Variants in RGS16 observed in about 807,000 individuals in gnomAD.
RGS16 encodes the protein regulator of G protein signaling 16, also known as hRGS-r.
RGS16 carries 12 observed loss-of-function variants against 18.1 expected under a neutral mutation model. The ratio of observed to expected loss-of-function variants is 0.66; its 90% CI spans 0.42 to 1.07. The LOEUF is 1.07. RGS16 is among the 50% of genes least tolerant of loss of function. The probability of loss-of-function intolerance (pLI) is 0.00; values close to 1 mark genes in which losing one functional copy is unlikely to be tolerated. For missense variants in RGS16, 238 were observed against 249.2 expected, an observed-to-expected ratio of 0.95 and a Z score of 0.30; for synonymous variants, 88 against 102.0, an observed-to-expected ratio of 0.86 and a Z score of 0.83.
chr1:182,599,193 G>T lies in RGS16; in HGVS notation c.*1099C>A, dbSNP rs4433356. ...GCACTCTAAGGGTGCCATGGTCCTG[G>T]GCCACCTCTGCCCACTCCAGTGTTC... is the stretch of plus-strand genomic sequence containing the variant. On this transcript the variant is annotated 3_prime_UTR_variant, in exon 5 of 5. Transcript: ENST00000367558. The T allele has an allele frequency of 0.02, 3,116 of 152,306 alleles. 110 individuals are homozygous for T. Among genetic ancestry groups the T allele is most frequent in the African/African-American group, 0.07 (2,919 of 41,492 alleles). The allele number at this position is 152,306 out of a possible 1,614,324, so 9.4% of individuals were successfully genotyped here.
Position 182,599,941 on chromosome 1 carries a change from CAT to C in RGS16, c.*349_*350del, listed in dbSNP as rs528250097. Reference sequence around the variant, plus strand: ...TCATTTTCATGGTTCCCTTTATCCACATGTTTCCTAAACCACACTAGAACACT... The same window carrying C: ...TCATTTTCATGGTTCCCTTTATCCACGTTTCCTAAACCACACTAGAACACT... On this transcript the variant is annotated 3_prime_UTR_variant, in exon 5 of 5. Coordinates refer to ENST00000367558, the MANE Select transcript of RGS16 (RefSeq NM_002928.4). 2.7e-4 allele frequency: 73 copies of C among 271,046 alleles called. No individual in the cohort carries two copies. Among genetic ancestry groups the C allele is most frequent in the Middle Eastern group, 2.5e-3 (2 of 790 alleles). 16.8% of individuals were successfully genotyped at this position (271,046 alleles called of 1,614,324 possible). A position where few individuals can be genotyped will look rare whatever the true frequency, so the allele number is the denominator to read the frequency against.
rs1206290081 is a variant in RGS16 at position 182,600,314 on chromosome 1, AG to A, written c.586del (p.Leu196TrpfsTer13). The A allele has an allele frequency of 3.7e-6, 6 of 1,613,792 alleles. No individual in the cohort carries two copies. Among genetic ancestry groups the A allele is most frequent in the Non-Finnish European group, 5.1e-6 (6 of 1,180,004 alleles). On this transcript the variant is annotated frameshift_variant, in exon 5 of 5. Transcript: ENST00000367558. LOFTEE classifies it high-confidence loss of function. ...AASATLSSCS[L>X]DEPSHT ...GACTCAGGTGTGTGAGGGCTCGTCC[AG>A]GCTGCAGCTGGACAGAGTGGCAGAG...
intron 3 of RGS16, 84 bp downstream of exon 3, chr1:182,602,336 G>T: frequency 2.4e-6 from 3 of 1,237,708 alleles, no homozygotes; most frequent in South Asian, 1.3e-5. Flanking sequence ...TTCTGCCCAG[G>T]CTCTCAGCAG....
At chr1:182,602,560 A>G in intron 2 of RGS16, 76 bp from the exon 3 acceptor site, 1 of 1,193,756 alleles carries the variant, frequency 8.4e-7, no homozygotes, top group African/African-American at 1.5e-5. Flanking sequence ...TCTAGCCAGA[A>G]CTCTGATGGA....
At position 182,601,216 on chromosome 1, in the gene RGS16, G is replaced by T. The variant is rs1661858173; in HGVS notation, c.388-703C>A. ...AATGGAAAACCTTACGTCTTCCCAG[G>T]CCCTACCTCTGGTACTCCCTGTCTC... On this transcript the variant is annotated intron_variant, in intron 4 of 4. Transcript: ENST00000367558. Among the ~76,000 whole-genome samples the T allele has an allele frequency of 2.0e-5, 3 of 152,112 alleles. No homozygotes were observed. The South Asian group carries it at 6.2e-4, about 32-fold the overall frequency.
chr1:182,603,871 T>G (rs1661908474), intron 1 of RGS16, among the ~76,000 whole-genome samples: 1 of 150,726 alleles, frequency 6.6e-6, no homozygotes, highest in Admixed American at 6.6e-5. Flanking sequence ...TGCCCCTAGC[T>G]CTGGTCTGAG....
Position 182,600,151 on chromosome 1 carries a change from A to C in RGS16, c.*141T>G, listed in dbSNP as rs1571277710. On this transcript the variant is annotated 3_prime_UTR_variant, in exon 5 of 5. Transcript: ENST00000367558. ...TGCTGCTTCCCAAACAGGCTGCTGG[A>C]GCGCATTTTTTTTTTTTTTTTTTTT... 3,159 of 503,934 alleles carry C rather than the reference A, an allele frequency of 6.3e-3. 1 individual carries two copies. Among genetic ancestry groups the C allele is most frequent in the Non-Finnish European group, 8.1e-3 (2,378 of 294,808 alleles). The allele number at this position is 503,934 out of a possible 1,614,324, so 31.2% of individuals were successfully genotyped here.
chr1:182,601,201 C>A (rs1213211197), intron 4 of RGS16, among the ~76,000 whole-genome samples: 2 of 152,218 alleles, frequency 1.3e-5, no homozygotes, highest in African/African-American at 4.8e-5. Flanking sequence ...AATGGAAAAC[C>A]TTACGTCTTC....
intron 4 of RGS16, chr1:182,601,750 C>G (rs1241645031): frequency 1.7e-6 from 1 of 587,654 alleles, no homozygotes; most frequent in Admixed American, 3.0e-5. Context: ...AACCTGCCAA[C>G]ACATCCTGCC....
chr1:182,603,247 C>T lies in RGS16; in HGVS notation c.137G>A (p.Ser46Asn). The T allele has an allele frequency of 1.2e-6, 2 of 1,613,452 alleles. No individual in the cohort carries two copies. The highest frequency in any genetic ancestry group is 1.7e-6 in the Non-Finnish European group (2 of 1,179,300). ...TGSTGKFEWG[S>N]KHSKENRNFS... ...CACTTACTTCTCTTTGCTGTGTTTA[C>T]TGCCCCACTCGAACTTGCCAGTACT... Residue 46 changes from serine (S) to asparagine (N), a missense_variant, in exon 2 of 5, where the codon AGT becomes AAT. Ser to Asn is a conservative substitution (Grantham distance 46). Coordinates refer to ENST00000367558, the MANE Select transcript of RGS16 (RefSeq NM_002928.4).
chr1:182,604,117 G>T, intron 1 of RGS16, 99 bp downstream of exon 1: 1 of 1,249,968 alleles, frequency 8.0e-7, no homozygotes, highest in East Asian at 2.6e-5. Context: ...CAAGCCTCTA[G>T]CGCCCCATCC....
At position 182,602,448 on chromosome 1, in the gene RGS16, C is replaced by T. The variant is rs186715962; in HGVS notation, c.192G>A (p.Glu64=). Residue 64 remains glutamate (E), a synonymous_variant, in exon 3 of 5, where the codon GAG becomes GAA. Coordinates refer to ENST00000367558, the MANE Select transcript of RGS16 (RefSeq NM_002928.4). ...TACTGCTCAGCAGCAGGTCGAACGA[C>T]TCTCTCCACCCCAGCACATCTTCTG... ...NFSEDVLGWR[E]SFDLLLSSKN... The T allele has an allele frequency of 4.0e-5, 64 of 1,613,820 alleles. No individual in the cohort carries two copies. The East Asian group carries it at 1.4e-3, about 35-fold the overall frequency.
rs1165278502 is a variant in RGS16 at position 182,598,708 on chromosome 1, G to A, written c.*1584C>T. On this transcript the variant is annotated 3_prime_UTR_variant, in exon 5 of 5. Coordinates refer to ENST00000367558, the MANE Select transcript of RGS16 (RefSeq NM_002928.4). The stretch of plus-strand genomic sequence containing the variant: ...GATTGCAAACATCATTCATATCTAG[G>A]AAACCAGCTCCATTTGTCACAATAA... 1.3e-5 allele frequency: 2 copies of A among 152,664 alleles called. No individual in the cohort carries two copies. The highest frequency in any genetic ancestry group is 3.9e-4 in the East Asian group (2 of 5,180). 9.5% of individuals were successfully genotyped at this position (152,664 alleles called of 1,614,324 possible).
intron 2 of RGS16, 102 bp downstream of exon 2, chr1:182,603,127 G>A: frequency 3.6e-6 from 3 of 836,898 alleles, no homozygotes; most frequent in South Asian, 2.9e-5. Context: ...GTGTTGCCAA[G>A]GTCCACTTAG....
At chr1:182,603,436 C>A in intron 1 of RGS16, 97 bp from the exon 2 acceptor site, 1 of 923,622 alleles carries the variant, frequency 1.1e-6, no homozygotes, top group Non-Finnish European at 1.7e-6. Context: ...TGGTGCCACC[C>A]AAACTTTAGC....
rs1437199848 is a variant in RGS16 at position 182,600,264 on chromosome 1, C to T, written c.*28G>A. On this transcript the variant is annotated 3_prime_UTR_variant, in exon 5 of 5. Transcript: ENST00000367558. ...GGATGGGTGACTCAACCTCTCTTCC[C>T]GGCTGGCTTCCTCACTGCCGTGGAG... is the stretch of plus-strand genomic sequence containing the variant. 1.2e-5 allele frequency: 20 copies of T among 1,604,258 alleles called. No homozygotes were observed. The highest frequency in any genetic ancestry group is 2.7e-5 in the African/African-American group (2 of 74,232).
At chr1:182,600,783 G>C (rs371197379) in intron 4 of RGS16, among the ~76,000 whole-genome samples, 4 of 152,302 alleles carry the variant, frequency 2.6e-5, no homozygotes, top group South Asian at 2.1e-4. Flanking sequence ...CAGCAACCCT[G>C]CTTCAAGTCA....
Position 182,599,345 on chromosome 1 carries a change from C to T in RGS16, c.*947G>A, listed in dbSNP as rs2102379414. The T allele has an allele frequency of 6.6e-6, 1 of 152,366 alleles. No individual in the cohort carries two copies. Among genetic ancestry groups the T allele is most frequent in the Admixed American group, 6.5e-5 (1 of 15,302 alleles). The allele number at this position is 152,366 out of a possible 1,614,324, so 9.4% of individuals were successfully genotyped here. A position where few individuals can be genotyped will look rare whatever the true frequency, so the allele number is the denominator to read the frequency against. ...AGGACTCTCAGGGACCGCCAAGAGA[C>T]TTATTTCCTAGGATCCTTTTCTGCC... is the stretch of plus-strand genomic sequence containing the variant. On this transcript the variant is annotated 3_prime_UTR_variant, in exon 5 of 5. Coordinates refer to ENST00000367558, the MANE Select transcript of RGS16 (RefSeq NM_002928.4).
chr1:182,601,960 T>C lies in RGS16; in HGVS notation c.387+6A>G, dbSNP rs1661871324. On this transcript the variant is annotated splice_donor_region_variant and intron_variant, in intron 4 of 4. Transcript: ENST00000367558. ...GAGGATTCACTGGGCATATGGGGGC[T>C]CTAACCTCTTTAGGGGCCTCACTGC... The C allele has an allele frequency of 6.2e-7, 1 of 1,614,014 alleles. No homozygotes were observed. Among genetic ancestry groups the C allele is most frequent in the Admixed American group, 1.7e-5 (1 of 59,996 alleles).
Sources: allele counts gnomAD v4.1 joint callset (sites outside exome capture counted in the v4.1 genomes callset), GRCh38; gene constraint gnomAD v4.1.1; transcripts MANE v1.5; gene names NCBI Gene and HGNC (gene_info 2026-07-23, HGNC 2026-07-21).